The following CENPC variants were observed in gnomAD, a reference collection of about 807,000 sequenced individuals.
The protein encoded by CENPC is CENP-C 1.
A neutral mutation model predicts 112.1 loss-of-function variants in CENPC; 63 were observed. That is an observed-to-expected ratio of 0.56 (90% CI 0.46 to 0.69). The LOEUF is 0.69. CENPC is among the 30% of genes least tolerant of loss of function. The pLI, the probability that CENPC is intolerant of heterozygous loss-of-function variation, is 0.00. For synonymous variants in CENPC, 333 were observed against 367.6 expected (o/e 0.91, Z 1.08); for missense variants, 1,000 against 1,103.8 (o/e 0.91, Z 1.33).
chr4:67,504,885 T>C (rs554046524), intron 12 of CENPC: 56 of 259,400 alleles, frequency 2.2e-4, no homozygotes, highest in South Asian at 1.6e-3. Context: ...ATGAACCCAA[T>C]ACAACCATCA....
intron 9 of CENPC, 125 bp from the exon 10 acceptor site, chr4:67,509,230 A>G: frequency 1.7e-6 from 1 of 597,332 alleles, no homozygotes; most frequent in Non-Finnish European, 3.0e-6. Context: ...ACACACACAC[A>G]CACACACACA....
chr4:67,492,704 C>T, intron 15 of CENPC, 165 bp downstream of exon 15: 1 of 1,120,586 alleles, frequency 8.9e-7, no homozygotes, highest in East Asian at 3.3e-5. Flanking sequence ...ATAAAATTAG[C>T]TTACTTTCCA....
chr4:67,516,182 C>T (rs1726052164), intron 7 of CENPC, among the ~76,000 whole-genome samples: 1 of 151,990 alleles, frequency 6.6e-6, no homozygotes, highest in African/African-American at 2.4e-5. Context: ...ATTGAGATTA[C>T]ACAGTACCTC....
chr4:67,493,747 A>C (rs1469447220), intron 14 of CENPC, 137 bp downstream of exon 14: 1 of 576,078 alleles, frequency 1.7e-6, no homozygotes, highest in Admixed American at 3.1e-5. Context: ...TCAGACAAAA[A>C]TGAATTTAAA....
Position 67,472,667 on chromosome 4 carries a change from A to T in CENPC, c.2770T>A (p.Tyr924Asn). Residue 924 changes from tyrosine (Y) to asparagine (N), a missense_variant, in exon 19 of 19, where the codon TAT becomes AAT. By Grantham distance (143) the Tyr-to-Asn change is moderately radical. Coordinates refer to ENST00000273853, the MANE Select transcript of CENPC (RefSeq NM_001812.4). ...DSFYVPSGNYYNIKNLRNEES... is the reference protein window; with the variant it reads ...DSFYVPSGNYNNIKNLRNEES... ...TCATTCCGGAGATTTTTGATGTTAT[A>T]ATAGTTACCTAAAAGTAAAGTGATA... The T allele has an allele frequency of 6.6e-7, 1 of 1,505,582 alleles. No individual in the cohort carries two copies. The allele number at this position is 1,505,582 out of a possible 1,614,324, so 93.3% of individuals were successfully genotyped here. A position where few individuals can be genotyped will look rare whatever the true frequency, so the allele number is the denominator to read the frequency against.
chr4:67,522,968 C>T (rs1484939428), intron 5 of CENPC, among the ~76,000 whole-genome samples: 1 of 151,478 alleles, frequency 6.6e-6, no homozygotes, highest in Non-Finnish European at 1.5e-5. Flanking sequence ...CCATTGCACT[C>T]CAGCCTGGGT....
chr4:67,545,429 C>A lies in CENPC; in HGVS notation c.-74G>T. 1 of 1,414,470 alleles carries A rather than the reference C, an allele frequency of 7.1e-7. No homozygotes were observed. The highest frequency in any genetic ancestry group is 2.9e-5 in the East Asian group (1 of 34,906). The allele number at this position is 1,414,470 out of a possible 1,614,324, so 87.6% of individuals were successfully genotyped here. A position where few individuals can be genotyped will look rare whatever the true frequency, so the allele number is the denominator to read the frequency against. On this transcript the variant is annotated 5_prime_UTR_variant, in exon 1 of 19. Coordinates refer to ENST00000273853, the MANE Select transcript of CENPC (RefSeq NM_001812.4). ...CGGACCACAGCTCCAGGAAGCCGAGCAAGAAACGAATCGCCGGAATACCAG... is the reference window on the plus strand; with the variant it reads ...CGGACCACAGCTCCAGGAAGCCGAGAAAGAAACGAATCGCCGGAATACCAG...
rs79427742 is a variant in CENPC at position 67,521,022 on chromosome 4, C to CAAATAAATAAAT, written c.332-1532_332-1521dup. Among the ~76,000 whole-genome samples the CAAATAAATAAAT allele has an allele frequency of 4.7e-3, 711 of 150,100 alleles. 6 individuals carry two copies. The highest frequency in any genetic ancestry group is 5.5e-3 in the Non-Finnish European group (369 of 67,454). On this transcript the variant is annotated intron_variant, in intron 5 of 18. Coordinates refer to ENST00000273853, the MANE Select transcript of CENPC (RefSeq NM_001812.4). Reference sequence around the variant, plus strand: ...GCAAGACTCTGTCTCAAAAAATAAACAAATAAATAAATAAATAAATAAATA... The same window carrying CAAATAAATAAAT: ...GCAAGACTCTGTCTCAAAAAATAAACAAATAAATAAATAAATAAATAAATAAATAAATAAATA...
intron 4 of CENPC, among the ~76,000 whole-genome samples, chr4:67,532,120 T>C (rs1337948664): frequency 1.3e-5 from 2 of 152,178 alleles, no homozygotes; most frequent in Non-Finnish European, 2.9e-5. Context: ...AGAAGACATC[T>C]ATGCAGCCAA....
intron 5 of CENPC, among the ~76,000 whole-genome samples, chr4:67,525,288 C>T (rs952688663): frequency 3.9e-5 from 6 of 152,160 alleles, no homozygotes; most frequent in African/African-American, 1.4e-4. Flanking sequence ...ATGATTAAAA[C>T]ACCAAAAGCA....
intron 14 of CENPC, chr4:67,493,536 C>T (rs1194254117): frequency 4.7e-6 from 1 of 213,930 alleles, no homozygotes; most frequent in Non-Finnish European, 9.3e-6. Flanking sequence ...CTTGCCCACC[C>T]TACACTACTT....
chr4:67,505,237 T>C lies in CENPC; in HGVS notation c.2099A>G (p.Asp700Gly). 6.3e-7 allele frequency: 1 copy of C among 1,583,732 alleles called. No individual in the cohort carries two copies. ...NNNYLMSGKNDVDDEEVHGSS... is the reference protein window; with the variant it reads ...NNNYLMSGKNGVDDEEVHGSS... ...TCCATGAACTTCCTCATCATCCACA[T>C]CATTCTTTCCAGACATTAAATAATT... Residue 700 changes from aspartate to glycine, a missense_variant, in exon 12 of 19, where the codon GAT becomes GGT. Transcript: ENST00000273853.
intron 2 of CENPC, 75 bp from the exon 3 acceptor site, chr4:67,541,125 A>T: frequency 2.3e-6 from 2 of 868,768 alleles, no homozygotes; most frequent in Non-Finnish European, 3.6e-6. Flanking sequence ...AAAATTCCAC[A>T]TCTCATTATA....
Position 67,514,518 on chromosome 4 carries a change from G to C in CENPC, c.1000C>G (p.Pro334Ala). ...TGAAGGAGTGCAGTGCTCTCAGCCG[G>C]GGATATTGTGCGTTGTTTCAGAGAC... Reference protein sequence around the residue: ...AGSLKQRTISPAESTALLQGR... With the variant: ...AGSLKQRTISAAESTALLQGR... The change falls in exon 8 of 19, where the codon CCG becomes GCG. Residue 334 changes from proline to alanine, a missense_variant. Transcript: ENST00000273853. 6.2e-7 allele frequency: 1 copy of C among 1,613,032 alleles called. No homozygotes were observed. Among genetic ancestry groups the C allele is most frequent in the Non-Finnish European group, 8.5e-7 (1 of 1,179,564 alleles).
rs994658560 is a variant in CENPC at position 67,495,186 on chromosome 4, G to A, written c.2158C>T (p.Pro720Ser). ...AGTTTGTGATGGATTCTGTTCTTTG[G>A]TATCACTTTAGATTGTTTTGAGTCA... ...SDDSKQSKVI[P>S]KNRIHHKLVL... Residue 720 changes from proline to serine, a missense_variant, in exon 13 of 19, where the codon CCA becomes TCA. Transcript: ENST00000273853. 1.3e-6 allele frequency: 2 copies of A among 1,531,064 alleles called. No individual in the cohort carries two copies. The highest frequency in any genetic ancestry group is 2.2e-5 in the Admixed American group (1 of 46,452). The allele number at this position is 1,531,064 out of a possible 1,614,324, so 94.8% of individuals were successfully genotyped here. A position where few individuals can be genotyped will look rare whatever the true frequency, so the allele number is the denominator to read the frequency against.
At chr4:67,519,078 C>T in intron 6 of CENPC, 139 bp downstream of exon 6, 1 of 638,180 alleles carries the variant, frequency 1.6e-6, no homozygotes, top group Non-Finnish European at 2.6e-6. Flanking sequence ...TGAATATATG[C>T]TAAATGTATA....
intron 2 of CENPC, among the ~76,000 whole-genome samples, chr4:67,542,344 T>A (rs1726911387): frequency 6.6e-6 from 1 of 151,984 alleles, no homozygotes; most frequent in Non-Finnish European, 1.5e-5. Flanking sequence ...TCAGCCAGAG[T>A]TTACTGATCC....
intron 16 of CENPC, among the ~76,000 whole-genome samples, chr4:67,491,502 GA>G (rs1725273135): frequency 7.5e-6 from 1 of 133,682 alleles, no homozygotes. Flanking sequence ...GAGAGAGAGA[GA>G]GAGAGAGAGA....
intron 9 of CENPC, among the ~76,000 whole-genome samples, chr4:67,509,828 AAT>A (rs1449385265): frequency 2.0e-5 from 3 of 152,132 alleles, no homozygotes; most frequent in Non-Finnish European, 4.4e-5. Flanking sequence ...CTGCTGCAAG[AAT>A]CACCTTTGGA....
Sources: allele counts gnomAD v4.1 joint callset (sites outside exome capture counted in the v4.1 genomes callset), GRCh38; gene constraint gnomAD v4.1.1; transcripts MANE v1.5; gene names NCBI Gene and HGNC (gene_info 2026-07-23, HGNC 2026-07-21).